Variants in SCOC observed in about 807,000 individuals in gnomAD.
The protein encoded by SCOC is short coiled-coil protein.
A neutral mutation model predicts 9.9 loss-of-function variants in SCOC; 7 were observed. The observed-to-expected ratio is 0.71, with a 90% CI of 0.40 to 1.33. The LOEUF (loss-of-function observed/expected upper bound fraction) is 1.33, where lower values mean the gene tolerates loss of function less well. SCOC is among the 40% of genes most tolerant of loss of function. SCOC has a pLI of 0.01. For synonymous variants in SCOC, 19 were observed against 28.2 expected, an observed-to-expected ratio of 0.67 and a Z score of 1.03; for missense variants, 66 against 89.7, an observed-to-expected ratio of 0.74 and a Z score of 1.07.
rs574145099 is a variant in SCOC at position 140,284,947 on chromosome 4, A to C, written c.-19+27537A>C. ...AATGCATCATTAATGGCTTAGTGTA[A>C]AAGTACAATCATGCAAATTTAAGTC... On this transcript the variant is annotated intron_variant, in intron 1 of 4. Coordinates refer to the SCOC transcript ENST00000394205. The C allele has an allele frequency of 5.8e-4, 149 of 258,178 alleles. 1 individual carries two copies. In the South Asian group the frequency reaches 6.7e-3, roughly 12 times the overall value. The allele number at this position is 258,178 out of a possible 1,614,324, so 16.0% of individuals were successfully genotyped here.
At chr4:140,369,877 T>C (rs1578873813), upstream of SCOC, among the ~76,000 whole-genome samples, 1 of 108,388 alleles carries the variant, frequency 9.2e-6, no homozygotes, top group African/African-American at 4.1e-5. Context: ...TTTTTTTTTT[T>C]TTTTTTTTTT....
intron 1 of SCOC, chr4:140,374,085 C>G: frequency 2.1e-6 from 1 of 480,724 alleles, no homozygotes; most frequent in South Asian, 1.5e-5. Flanking sequence ...TGGAATGGGA[C>G]CTGGCACGCC....
At chr4:140,373,330 C>T (rs985015344), upstream of SCOC, 8 of 1,408,502 alleles carry the variant, frequency 5.7e-6, no homozygotes, top group Admixed American at 9.2e-5. Flanking sequence ...CTGGGATTCT[C>T]ACTCCAATTC....
intron 2 of SCOC, among the ~76,000 whole-genome samples, chr4:140,364,979 T>C (rs1332282641): frequency 2.6e-5 from 4 of 152,050 alleles, no homozygotes. Flanking sequence ...AGAATTCTGA[T>C]AGAGAGAGCA....
intron 1 of SCOC, among the ~76,000 whole-genome samples, chr4:140,313,171 A>G (rs1732203386): frequency 6.6e-6 from 1 of 152,210 alleles, no homozygotes; most frequent in South Asian, 2.1e-4. Flanking sequence ...CATACATTGT[A>G]CTTCCACCGA....
At chr4:140,269,896 G>A (rs1560675634) in intron 1 of SCOC, among the ~76,000 whole-genome samples, 1 of 152,042 alleles carries the variant, frequency 6.6e-6, no homozygotes, top group Non-Finnish European at 1.5e-5. Flanking sequence ...GACTACAGGT[G>A]CATAACCACA....
At chr4:140,362,817 T>A (rs1298213562) in intron 2 of SCOC, 1 of 152,166 alleles carries the variant, frequency 6.6e-6, no homozygotes, top group Admixed American at 6.5e-5. Context: ...TCCCTTAGGA[T>A]ACTATATAAG....
At chr4:140,297,276 G>A (rs1001254032) in intron 1 of SCOC, among the ~76,000 whole-genome samples, 4 of 151,814 alleles carry the variant, frequency 2.6e-5, no homozygotes, top group Non-Finnish European at 5.9e-5. Context: ...CTGTGGGGGG[G>A]GGGGCACTGT....
intron 2 of SCOC, among the ~76,000 whole-genome samples, chr4:140,358,855 A>G (rs1475241098): frequency 6.6e-6 from 1 of 152,234 alleles, no homozygotes; most frequent in Non-Finnish European, 1.5e-5. Flanking sequence ...AAATGGAATC[A>G]CCATTTCAAG....
intron 1 of SCOC, among the ~76,000 whole-genome samples, chr4:140,297,488 T>G (rs751788668): frequency 1.3e-5 from 2 of 152,164 alleles, no homozygotes; most frequent in Non-Finnish European, 2.9e-5. Flanking sequence ...CACTCTTCAT[T>G]TTTTGCATGG....
chr4:140,336,782 T>C (rs1378325468), intron 1 of SCOC, among the ~76,000 whole-genome samples: 2 of 152,220 alleles, frequency 1.3e-5, no homozygotes, highest in Non-Finnish European at 2.9e-5. Flanking sequence ...ACTCTATGTT[T>C]AACTTTTTGA....
Position 140,382,373 on chromosome 4 carries a change from T to C in SCOC, c.*1269T>C, listed in dbSNP as rs1242089930. ...TAATGTAGCTTAAGGTTATTAGATTTGGGCTTTTAATCATGGAATAATCTT... is the reference window on the plus strand; with the variant it reads ...TAATGTAGCTTAAGGTTATTAGATTCGGGCTTTTAATCATGGAATAATCTT... On this transcript the variant is annotated 3_prime_UTR_variant, in exon 4 of 4. Coordinates refer to ENST00000608372, the MANE Select transcript of SCOC (RefSeq NM_001153484.2). The C allele has an allele frequency of 6.6e-6, 1 of 152,636 alleles. No homozygotes were observed. Among genetic ancestry groups the C allele is most frequent in the Non-Finnish European group, 1.5e-5 (1 of 68,024 alleles). The allele number at this position is 152,636 out of a possible 1,614,324, so 9.5% of individuals were successfully genotyped here.
chr4:140,270,908 AG>A (rs1665740018), intron 1 of SCOC, among the ~76,000 whole-genome samples: 1 of 152,186 alleles, frequency 6.6e-6, no homozygotes, highest in Non-Finnish European at 1.5e-5. Flanking sequence ...AATCCTGAGA[AG>A]TAAGTCATAT....
intron 1 of SCOC, among the ~76,000 whole-genome samples, chr4:140,291,057 C>CT (rs1294596445): frequency 1.3e-5 from 2 of 152,196 alleles, no homozygotes; most frequent in East Asian, 3.8e-4. Context: ...CACACTATAT[C>CT]TTTTTTCTAA....
chr4:140,380,096 T>C (rs10010302), intron 3 of SCOC, among the ~76,000 whole-genome samples: 88,329 of 151,866 alleles, frequency 0.58, 26,781 homozygotes, highest in Non-Finnish European at 0.69. Context: ...GGTGCCACAG[T>C]GAGCAGATCA....
At position 140,382,521 on chromosome 4, in the gene SCOC, G is replaced by C. The variant is rs906106026; in HGVS notation, c.*1417G>C. The stretch of plus-strand genomic sequence containing the variant: ...GACATTTAAATTGTGTTGCAGTTCT[G>C]CTTTGCCGTTTAATAAAAAGCTATT... On this transcript the variant is annotated 3_prime_UTR_variant, in exon 4 of 4. Coordinates refer to ENST00000608372, the MANE Select transcript of SCOC (RefSeq NM_001153484.2). The C allele has an allele frequency of 2.0e-5, 3 of 152,542 alleles. No homozygotes were observed. Among genetic ancestry groups the C allele is most frequent in the Non-Finnish European group, 2.9e-5 (2 of 68,020 alleles). 9.4% of individuals were successfully genotyped at this position (152,542 alleles called of 1,614,324 possible).
intron 1 of SCOC, chr4:140,284,929 C>T (rs1731188947): frequency 9.1e-6 from 2 of 218,600 alleles, no homozygotes; most frequent in Non-Finnish European, 1.9e-5. Context: ...ATGAATGCAT[C>T]ATTAATGGCT....
intron 1 of SCOC, among the ~76,000 whole-genome samples, chr4:140,276,297 C>T (rs901031033): frequency 3.3e-5 from 5 of 151,972 alleles, no homozygotes; most frequent in Admixed American, 6.6e-5. Flanking sequence ...CTACCGCACC[C>T]GGCCTAATTT....
intron 1 of SCOC, among the ~76,000 whole-genome samples, chr4:140,332,215 T>G (rs1412987808): frequency 6.6e-6 from 1 of 152,104 alleles, no homozygotes; most frequent in Non-Finnish European, 1.5e-5. Context: ...ATCCAAACCA[T>G]ATCAGATGTT....
Sources: allele counts gnomAD v4.1 joint callset (sites outside exome capture counted in the v4.1 genomes callset), GRCh38; gene constraint gnomAD v4.1.1; transcripts MANE v1.5; gene names NCBI Gene and HGNC (gene_info 2026-07-23, HGNC 2026-07-21).